SYCE1: variants seen among roughly 807,000 people sequenced by gnomAD.
The protein encoded by SYCE1 is synaptonemal complex central element protein 1, also known as cancer/testis antigen 76.
Under a neutral mutation model 55.1 loss-of-function variants are expected in SYCE1, and 37 were observed. That is an observed-to-expected ratio of 0.67 (90% confidence interval 0.52 to 0.88). The LOEUF is 0.88. Among genes scored for constraint, SYCE1 ranks in the 40% least tolerant of loss-of-function variants. SYCE1 has a pLI of 0.00. For missense variants in SYCE1, 399 were observed against 416.4 expected, an observed-to-expected ratio of 0.96 and a Z score of 0.36; for synonymous variants, 163 against 159.4, an observed-to-expected ratio of 1.02 and a Z score of -0.17.
intron 4 of SYCE1, 132 bp downstream of exon 4, chr10:133,558,745 G>A: frequency 2.4e-6 from 2 of 839,510 alleles, no homozygotes; most frequent in Non-Finnish European, 3.8e-6. Context: ...GAGAGGGGGA[G>A]ATTGGCAGGA....
At chr10:133,566,511 T>A (rs1851937614), upstream of SYCE1, among the ~76,000 whole-genome samples, 1 of 133,344 alleles carries the variant, frequency 7.5e-6, no homozygotes. Context: ...GGGTTAGTGT[T>A]AGGGGTAGGG....
chr10:133,559,781 C>T (rs548757566), intron 2 of SYCE1: 4 of 430,744 alleles, frequency 9.3e-6, no homozygotes, highest in African/African-American at 6.0e-5. Flanking sequence ...GAGGGAGTAG[C>T]GGGTGAGGGG....
At chr10:133,555,568 G>C (rs369247170) in intron 11 of SYCE1, 29 bp downstream of exon 11, 3 of 1,602,172 alleles carry the variant, frequency 1.9e-6, no homozygotes, top group Non-Finnish European at 1.7e-6. Context: ...TCCTGGTGGG[G>C]GTTGCGGGGA....
chr10:133,565,324 TGAA>T (rs915613678), intron 1 of SYCE1, 130 bp downstream of exon 1: 254 of 818,412 alleles, frequency 3.1e-4, no homozygotes, highest in Non-Finnish European at 4.0e-4. Flanking sequence ...GAAATTTTTC[TGAA>T]GAAACCCGCT....
rs1851911769 is a variant in SYCE1, at chr10:133,565,554, T to G, written c.-25A>C. ...TTTCCTCTCAGCTCGCCAGCGAGGGTGCCTCGGGAGGGAGCCTCCAGTGGT... is the reference window on the plus strand; with the variant it reads ...TTTCCTCTCAGCTCGCCAGCGAGGGGGCCTCGGGAGGGAGCCTCCAGTGGT... On this transcript the variant is annotated 5_prime_UTR_variant, in exon 1 of 13. Coordinates refer to ENST00000343131, the MANE Select transcript of SYCE1 (RefSeq NM_001143764.3). 3 of 1,547,344 alleles carry G rather than the reference T, an allele frequency of 1.9e-6. No homozygotes were observed. Among genetic ancestry groups the G allele is most frequent in the Non-Finnish European group, 2.6e-6 (3 of 1,146,094 alleles).
chr10:133,565,811 T>C (rs1333311097), upstream of SYCE1, among the ~76,000 whole-genome samples: 1 of 152,232 alleles, frequency 6.6e-6, no homozygotes, highest in Non-Finnish European at 1.5e-5. Context: ...GTGCGCTGGC[T>C]TCCGAGGGGA....
upstream of SYCE1, chr10:133,565,669 T>C (rs1486552049): frequency 8.7e-6 from 7 of 806,682 alleles, no homozygotes; most frequent in Non-Finnish European, 1.3e-5. Flanking sequence ...GAGGTAATTC[T>C]CCGGCAGGCC....
intron 11 of SYCE1, 59 bp from the exon 12 acceptor site, chr10:133,555,497 A>G: frequency 6.2e-7 from 1 of 1,611,496 alleles, no homozygotes; most frequent in Non-Finnish European, 8.5e-7. Flanking sequence ...AGGAGGGACA[A>G]GAGGTTTTCA....
intron 4 of SYCE1, chr10:133,558,436 T>C (rs74162040): frequency 0.11 from 66,045 of 590,566 alleles, 4,572 homozygotes; most frequent in East Asian, 0.27. Context: ...TGGAGGATGC[T>C]CGTGCTTTTA....
chr10:133,564,320 G>T, intron 1 of SYCE1: 1 of 923,980 alleles, frequency 1.1e-6, no homozygotes, highest in Non-Finnish European at 1.3e-6. Context: ...TGAACTTCTA[G>T]CCTCGAAAAC....
downstream of SYCE1, chr10:133,554,817 A>G: frequency 6.9e-7 from 1 of 1,457,394 alleles, no homozygotes; most frequent in Non-Finnish European, 9.0e-7. Context: ...AGAAGCTGGC[A>G]GGTACCAGAG....
chr10:133,567,734 T>C, upstream of SYCE1: 1 of 248,434 alleles, frequency 4.0e-6, no homozygotes, highest in Non-Finnish European at 8.2e-6. Context: ...GTGGCTTGGG[T>C]TCCTGGCCTT....
chr10:133,564,598 C>T (rs1851883647), intron 1 of SYCE1, among the ~76,000 whole-genome samples: 1 of 152,150 alleles, frequency 6.6e-6, no homozygotes, highest in Non-Finnish European at 1.5e-5. Flanking sequence ...AGTATTCAAA[C>T]CTTCATTTTG....
At chr10:133,557,545 G>T (rs1264446719) in intron 6 of SYCE1, 7 of 500,540 alleles carry the variant, frequency 1.4e-5, no homozygotes, top group South Asian at 2.6e-5. Flanking sequence ...ATGGACAAAT[G>T]GTTGGCTCAA....
At chr10:133,565,598 T>A, upstream of SYCE1, 1 of 1,486,760 alleles carries the variant, frequency 6.7e-7, no homozygotes, top group South Asian at 1.2e-5. Flanking sequence ...CAACCGCCGC[T>A]GGGGGCAGGA....
intron 2 of SYCE1, chr10:133,559,793 A>G (rs1589968720): frequency 1.4e-5 from 6 of 441,626 alleles, no homozygotes; most frequent in East Asian, 9.2e-5. Flanking sequence ...GGTGAGGGGG[A>G]AGGAAGGGAA....
upstream of SYCE1, among the ~76,000 whole-genome samples, chr10:133,565,864 G>C (rs902340119): frequency 1.3e-5 from 2 of 152,358 alleles, no homozygotes; most frequent in Non-Finnish European, 1.5e-5. Flanking sequence ...CGAGCAGTAC[G>C]CATGTGTAGC....
At chr10:133,558,797 G>A in intron 4 of SYCE1, 80 bp downstream of exon 4, 1 of 1,426,378 alleles carries the variant, frequency 7.0e-7, no homozygotes, top group Non-Finnish European at 9.8e-7. Flanking sequence ...CCATGGCAAG[G>A]ATGCTGATTA....
intron 1 of SYCE1, among the ~76,000 whole-genome samples, chr10:133,563,364 C>T (rs1180121501): frequency 6.6e-6 from 1 of 152,064 alleles, no homozygotes; most frequent in Admixed American, 6.5e-5. Context: ...AGGATGAAAT[C>T]ATTTACAGCC....
Sources: gnomAD v4.1 joint callset for allele counts (sites outside exome capture counted in the v4.1 genomes callset) on GRCh38, gnomAD v4.1.1 for gene constraint, MANE v1.5 for transcripts, NCBI Gene and HGNC (gene_info 2026-07-23, HGNC 2026-07-21) for gene names.